The following PRIM2 variants were observed in gnomAD, a reference collection of about 807,000 sequenced individuals.
The protein encoded by PRIM2 is DNA primase subunit 2.
In PRIM2, 39 loss-of-function variants were observed where a neutral mutation model predicts 67.3. That is an observed-to-expected ratio of 0.58 (90% CI 0.45 to 0.76). The LOEUF is 0.76. Ranked by LOEUF, PRIM2 falls within the 30% of genes least tolerant of loss-of-function variation. PRIM2 has a pLI of 0.00. For missense variants in PRIM2, 398 were observed against 598.7 expected, an observed-to-expected ratio of 0.66 and a Z score of 3.50; for synonymous variants, 143 against 198.7, an observed-to-expected ratio of 0.72 and a Z score of 2.36.
the PRIM2 span, among the ~76,000 whole-genome samples, chr6:57,274,232 C>T: frequency 2.6e-4 from 40 of 151,938 alleles, no homozygotes; most frequent in South Asian, 7.7e-3. Context: ...AGAGGTGGAG[C>T]CTACAGAGGC....
At chr6:57,473,580 C>T (rs1773390479) in intron 7 of PRIM2, among the ~76,000 whole-genome samples, 1 of 152,216 alleles carries the variant, frequency 6.6e-6, no homozygotes, top group East Asian at 1.9e-4. Context: ...TTCATAGTGG[C>T]TTTTTACTTG....
chr6:57,478,039 G>A lies in PRIM2; in HGVS notation c.694-29348G>A, dbSNP rs1342065370. On this transcript the variant is annotated intron_variant, in intron 7 of 13. Coordinates refer to ENST00000615550, the MANE Select transcript of PRIM2 (RefSeq NM_000947.5). The stretch of plus-strand genomic sequence containing the variant: ...TTGTTTTCTGTAAGTCTGATAACGT[G>A]TATGTTTAATACCCGTAATACTATG... 5.8e-3 allele frequency among the ~76,000 whole-genome samples: 889 copies of A among 152,242 alleles called. 7 individuals are homozygous for A. Among genetic ancestry groups the A allele is most frequent in the African/African-American group, 0.02 (834 of 41,554 alleles).
the PRIM2 span, among the ~76,000 whole-genome samples, chr6:57,225,478 AG>A: frequency 6.6e-6 from 1 of 152,252 alleles, no homozygotes; most frequent in Non-Finnish European, 1.5e-5. Flanking sequence ...TAGTAGAAAT[AG>A]CAACAGAATT....
chr6:57,410,409 TG>T (rs1771050284), intron 7 of PRIM2, among the ~76,000 whole-genome samples: 1 of 151,914 alleles, frequency 6.6e-6, no homozygotes. Flanking sequence ...TTTTTCACCT[TG>T]TAAAGAATAA....
the PRIM2 span, among the ~76,000 whole-genome samples, chr6:57,283,354 G>A: frequency 6.6e-6 from 1 of 151,984 alleles, no homozygotes; most frequent in African/African-American, 2.4e-5. Flanking sequence ...TTCTGAACTT[G>A]GCATATGTTC....
At chr6:57,530,695 G>A (rs1374977685) in intron 8 of PRIM2, among the ~76,000 whole-genome samples, 1 of 152,012 alleles carries the variant, frequency 6.6e-6, no homozygotes, top group Non-Finnish European at 1.5e-5. Context: ...TTGCAGGGAG[G>A]GGAAATCTGT....
chr6:57,340,681 G>C (rs1386093634), intron 5 of PRIM2, among the ~76,000 whole-genome samples: 2 of 151,904 alleles, frequency 1.3e-5, no homozygotes, highest in African/African-American at 4.8e-5. Context: ...ACAGCAAGGG[G>C]AACATCACAC....
the PRIM2 span, among the ~76,000 whole-genome samples, chr6:57,239,432 T>C: frequency 1.3e-5 from 2 of 152,206 alleles, no homozygotes; most frequent in Non-Finnish European, 2.9e-5. Context: ...ACTTCTTTTA[T>C]ATTTTGTAAG....
In PRIM2 at chr6:57,430,756, C is replaced by T. The variant is rs72873541; in HGVS notation, c.693+48588C>T. 1.1e-4 allele frequency among the ~76,000 whole-genome samples: 16 copies of T among 152,062 alleles called. 1 individual carries two copies. The highest frequency in any genetic ancestry group is 6.3e-4 in the South Asian group (3 of 4,798). On this transcript the variant is annotated intron_variant, in intron 7 of 13. Coordinates refer to ENST00000615550, the MANE Select transcript of PRIM2 (RefSeq NM_000947.5). ...GATTACAGGTGTCAGTCACTGTGCCCGGGCAGGAGTTTCTTAAATCTTGAA... is the reference window on the plus strand; with the variant it reads ...GATTACAGGTGTCAGTCACTGTGCCTGGGCAGGAGTTTCTTAAATCTTGAA...
At chr6:57,631,101 G>T (rs1232351175) in intron 12 of PRIM2, among the ~76,000 whole-genome samples, 3 of 152,130 alleles carry the variant, frequency 2.0e-5, no homozygotes, top group African/African-American at 7.2e-5. Context: ...TGTCAGTATT[G>T]TATAATGCCT....
In PRIM2 at chr6:57,540,803, C is replaced by T. The variant is rs1247110917; in HGVS notation, c.1020+3178C>T. Among the ~76,000 whole-genome samples, 7 of 152,270 alleles carry T rather than the reference C, an allele frequency of 4.6e-5. 1 individual carries two copies. In the East Asian group the frequency reaches 1.4e-3, roughly 29 times the overall value. ...TACATAAAATTAACTGTAGCACATTCTGTGCTACTATAGTAATTTAATAGC... is the reference window on the plus strand; with the variant it reads ...TACATAAAATTAACTGTAGCACATTTTGTGCTACTATAGTAATTTAATAGC... On this transcript the variant is annotated intron_variant, in intron 10 of 13. Transcript: ENST00000615550.
At chr6:57,273,027 T>G in the PRIM2 span, among the ~76,000 whole-genome samples, 1 of 152,240 alleles carries the variant, frequency 6.6e-6, no homozygotes, top group Non-Finnish European at 1.5e-5. Context: ...CCTTTGTGGG[T>G]AACCCGACCT....
intron 7 of PRIM2, among the ~76,000 whole-genome samples, chr6:57,388,357 TGTG>T (rs1476784951): frequency 1.3e-5 from 2 of 152,100 alleles, no homozygotes; most frequent in Non-Finnish European, 2.9e-5. Context: ...ATGGATTGGT[TGTG>T]GTGATATGAC....
the PRIM2 span, among the ~76,000 whole-genome samples, chr6:57,234,848 AAATGACTGAAGTTT>A: frequency 6.6e-6 from 1 of 152,108 alleles, no homozygotes; most frequent in African/African-American, 2.4e-5. Flanking sequence ...AATTTTTTGG[AAATGACTGAAGTTT>A]ATCTGTAACA....
At chr6:57,228,856 T>C in the PRIM2 span, among the ~76,000 whole-genome samples, 1 of 152,202 alleles carries the variant, frequency 6.6e-6, no homozygotes, top group African/African-American at 2.4e-5. Context: ...TGAGTTACCA[T>C]ACGTAAAAGC....
chr6:57,531,808 G>A (rs1774897156), intron 8 of PRIM2, among the ~76,000 whole-genome samples: 1 of 152,164 alleles, frequency 6.6e-6, no homozygotes, highest in African/African-American at 2.4e-5. Flanking sequence ...CGCTCTTTCA[G>A]GGGGTTGCAA....
In PRIM2 at chr6:57,619,953, T is replaced by C. The variant is rs1776821997; in HGVS notation, c.1231-12180T>C. On this transcript the variant is annotated intron_variant, in intron 12 of 13. Transcript: ENST00000615550. ...GGCTCACACCTGTAATCCCAGCACT[T>C]TGGGAGGCTGAGGCAGATGGATCAT... Among the ~76,000 whole-genome samples, 3 of 152,020 alleles carry C rather than the reference T, an allele frequency of 2.0e-5. No homozygotes were observed. In the South Asian group the frequency reaches 6.2e-4, roughly 32 times the overall value.
rs1243718392 is a variant in PRIM2, at chr6:57,548,925, T to TA, written c.1020+11312dup. Among the ~76,000 whole-genome samples the TA allele has an allele frequency of 7.7e-3, 1,088 of 142,172 alleles. 9 individuals are homozygous for TA. The highest frequency in any genetic ancestry group is 0.011 in the Non-Finnish European group (704 of 64,564). 93.3% of individuals were successfully genotyped at this position (142,172 alleles called of 152,430 possible). On this transcript the variant is annotated intron_variant, in intron 10 of 13. Transcript: ENST00000615550. Reference sequence around the variant, plus strand: ...ATAAGTGTGCTAAGGCATTAACTAATAAAAAAAAAAAAGATTGCTAAGCTA... The same window carrying TA: ...ATAAGTGTGCTAAGGCATTAACTAATAAAAAAAAAAAAAGATTGCTAAGCTA...
chr6:57,627,892 G>A (rs1283018689), intron 12 of PRIM2, among the ~76,000 whole-genome samples: 25 of 152,252 alleles, frequency 1.6e-4, no homozygotes, highest in South Asian at 1.0e-3. Context: ...TGATATGATT[G>A]TTCAAAATGT....
Sources: gnomAD v4.1 joint callset for allele counts (sites outside exome capture counted in the v4.1 genomes callset) on GRCh38, gnomAD v4.1.1 for gene constraint, MANE v1.5 for transcripts, NCBI Gene and HGNC (gene_info 2026-07-23, HGNC 2026-07-21) for gene names.